The following FMN1 variants were observed in gnomAD, a reference collection of about 807,000 sequenced individuals.
FMN1 encodes formin-1.
In FMN1, 110 loss-of-function variants were observed where a neutral mutation model predicts 132.4. The ratio of observed to expected loss-of-function variants is 0.83; its 90% confidence interval spans 0.71 to 0.97. FMN1 has a LOEUF of 0.97. FMN1 is among the 50% of genes least tolerant of loss of function. The pLI is 0.00. For synonymous variants in FMN1, 722 were observed against 651.7 expected (o/e 1.11, Z -1.64); for missense variants, 1,792 against 1,705.3 (o/e 1.05, Z -0.90).
At chr15:33,044,342 G>A (rs2036579676) in intron 6 of FMN1, among the ~76,000 whole-genome samples, 1 of 152,226 alleles carries the variant, frequency 6.6e-6, no homozygotes, top group African/African-American at 2.4e-5. Flanking sequence ...CTGAAGCCTG[G>A]AGGTTGGGCT....
intron 4 of FMN1, among the ~76,000 whole-genome samples, chr15:33,115,377 A>G (rs188116068): frequency 5.3e-5 from 8 of 152,324 alleles, no homozygotes; most frequent in East Asian, 1.9e-4. Flanking sequence ...ATGTGTAAGA[A>G]GATGGCATAT....
intron 19 of FMN1, among the ~76,000 whole-genome samples, chr15:32,793,655 C>G (rs2057170972): frequency 6.6e-6 from 1 of 152,126 alleles, no homozygotes; most frequent in Non-Finnish European, 1.5e-5. Flanking sequence ...TTGCACAGAA[C>G]CATTTTCAAA....
chr15:33,074,189 G>T (rs533649456), intron 5 of FMN1, among the ~76,000 whole-genome samples: 2 of 152,306 alleles, frequency 1.3e-5, no homozygotes, highest in South Asian at 4.1e-4. Flanking sequence ...TATGCTGTGG[G>T]ATCTTACCTT....
intron 9 of FMN1, among the ~76,000 whole-genome samples, chr15:32,959,476 G>A (rs1343708726): frequency 1.3e-5 from 2 of 152,150 alleles, no homozygotes; most frequent in Non-Finnish European, 2.9e-5. Flanking sequence ...CAGCTCTAAG[G>A]TAGGACACAA....
At chr15:32,825,355 T>A (rs944993382) in intron 17 of FMN1, among the ~76,000 whole-genome samples, 5 of 152,224 alleles carry the variant, frequency 3.3e-5, no homozygotes, top group Admixed American at 1.3e-4. Flanking sequence ...CTGCCCTAGT[T>A]CTAGTTGTAT....
intron 16 of FMN1, among the ~76,000 whole-genome samples, chr15:32,880,579 T>C (rs2059745742): frequency 6.6e-6 from 1 of 152,226 alleles, no homozygotes; most frequent in Non-Finnish European, 1.5e-5. Context: ...TCCTCTTTAA[T>C]GGGACAGCAC....
intron 5 of FMN1, among the ~76,000 whole-genome samples, chr15:33,083,473 G>A (rs1210866768): frequency 6.6e-6 from 1 of 152,058 alleles, no homozygotes. Context: ...CCTCCAGGAG[G>A]GTAGAGAGGC....
At chr15:33,130,383 C>A (rs920926412) in intron 4 of FMN1, among the ~76,000 whole-genome samples, 1 of 152,152 alleles carries the variant, frequency 6.6e-6, no homozygotes, top group Non-Finnish European at 1.5e-5. Flanking sequence ...GGTTAAGAAT[C>A]AGTTTTATGA....
At chr15:33,044,997 C>G (rs1167743287) in intron 6 of FMN1, among the ~76,000 whole-genome samples, 1 of 152,188 alleles carries the variant, frequency 6.6e-6, no homozygotes, top group Non-Finnish European at 1.5e-5. Context: ...TTGTGGGTGA[C>G]AAGGAGGAGA....
Position 32,768,781 on chromosome 15 carries a change from A to T in FMN1, c.*5529T>A, listed in dbSNP as rs191408852. The T allele has an allele frequency of 6.6e-6, 1 of 152,242 alleles. No individual in the cohort carries two copies. The highest frequency in any genetic ancestry group is 1.5e-5 in the Non-Finnish European group (1 of 68,040). The allele number at this position is 152,242 out of a possible 1,614,324, so 9.4% of individuals were successfully genotyped here. On this transcript the variant is annotated 3_prime_UTR_variant, in exon 21 of 21. Transcript: ENST00000616417. Reference sequence around the variant, plus strand: ...AGAGATTCTCAGTATATTTAAGAGAAGATTTAAAAATAGAAAATTACATAA... The same window carrying T: ...AGAGATTCTCAGTATATTTAAGAGATGATTTAAAAATAGAAAATTACATAA...
chr15:32,975,473 A>G (rs766646102), intron 7 of FMN1, among the ~76,000 whole-genome samples: 2 of 152,162 alleles, frequency 1.3e-5, no homozygotes, highest in Non-Finnish European at 2.9e-5. Context: ...TCTCTTTGCT[A>G]TTCCCATACA....
chr15:33,153,349 C>T lies in FMN1; in HGVS notation c.1566G>A (p.Ser522=), dbSNP rs781355617. 3.9e-6 allele frequency: 6 copies of T among 1,536,176 alleles called. No individual in the cohort carries two copies. Among genetic ancestry groups the T allele is most frequent in the South Asian group, 2.4e-5 (2 of 84,054 alleles). The stretch of plus-strand genomic sequence containing the variant: ...GGCTGGGGAGCCTTGGAGACAGAGG[C>T]GAGGGAACAGGTGACGTCTGTTTGT... The part of the protein sequence containing the change: ...STHKQTSPVP[S]PLSPRLPSPQ... Residue 522 remains serine, a synonymous_variant, in exon 4 of 21, where the codon TCG becomes TCA. Transcript: ENST00000616417.
chr15:32,849,006 C>CA (rs1427429177), intron 17 of FMN1, among the ~76,000 whole-genome samples: 1 of 98,760 alleles, frequency 1.0e-5, no homozygotes, highest in Non-Finnish European at 1.9e-5. Context: ...TTTTCAGAGA[C>CA]AGAGTCTCAC....
intron 17 of FMN1, among the ~76,000 whole-genome samples, chr15:32,812,880 G>A (rs923882430): frequency 6.6e-6 from 1 of 152,290 alleles, no homozygotes; most frequent in South Asian, 2.1e-4. Flanking sequence ...TCTGGTGACT[G>A]TAATAATAAT....
intron 5 of FMN1, among the ~76,000 whole-genome samples, chr15:33,072,216 G>A (rs1283562914): frequency 1.3e-5 from 2 of 152,080 alleles, no homozygotes; most frequent in Admixed American, 6.5e-5. Context: ...GAACTGTATG[G>A]GTTCACCTAT....
intron 7 of FMN1, among the ~76,000 whole-genome samples, chr15:32,971,429 G>A (rs1490686512): frequency 6.6e-6 from 1 of 152,110 alleles, no homozygotes; most frequent in Non-Finnish European, 1.5e-5. Flanking sequence ...TTCTACTACC[G>A]ATTACCTAAG....
chr15:32,978,825 G>A (rs984991946), intron 7 of FMN1, among the ~76,000 whole-genome samples: 2 of 152,078 alleles, frequency 1.3e-5, no homozygotes, highest in South Asian at 2.1e-4. Context: ...ACCATGATGC[G>A]GATTCCTCAG....
intron 4 of FMN1, among the ~76,000 whole-genome samples, chr15:33,091,201 G>C (rs544958456): frequency 1.3e-5 from 2 of 152,322 alleles, no homozygotes; most frequent in African/African-American, 4.8e-5. Context: ...ATTGTCTGGT[G>C]AGTGTAAGTT....
At chr15:33,002,644 AG>A (rs1173986332) in intron 7 of FMN1, among the ~76,000 whole-genome samples, 1 of 152,242 alleles carries the variant, frequency 6.6e-6, no homozygotes, top group Non-Finnish European at 1.5e-5. Flanking sequence ...CCTGCGACTT[AG>A]CCCCAGCAGG....
Sources: gnomAD v4.1 joint callset for allele counts (sites outside exome capture counted in the v4.1 genomes callset) on GRCh38, gnomAD v4.1.1 for gene constraint, MANE v1.5 for transcripts, NCBI Gene and HGNC (gene_info 2026-07-23, HGNC 2026-07-21) for gene names.